Variants in MCTP2 observed in about 807,000 individuals in gnomAD.
The protein encoded by MCTP2 is multiple C2 and transmembrane domain-containing protein 2.
MCTP2 carries 132 observed loss-of-function variants against 111.6 expected under a neutral mutation model. The ratio of observed to expected loss-of-function variants is 1.18; its 90% CI spans 1.03 to 1.37. The LOEUF is 1.37. Ranked by LOEUF, MCTP2 falls within the 40% of genes most tolerant of loss-of-function variation. The pLI is 0.00. For missense variants in MCTP2, 1,183 were observed against 1,067.9 expected (o/e 1.11, Z -1.50); for synonymous variants, 395 against 387.7 (o/e 1.02, Z -0.22).
At chr15:94,464,295 ATTAT>A (rs1393497392) in intron 20 of MCTP2, among the ~76,000 whole-genome samples, 15 of 83,732 alleles carry the variant, frequency 1.8e-4, no homozygotes, top group African/African-American at 7.9e-4. Flanking sequence ...CAGCCATTCT[ATTAT>A]TTCTCATCTC....
intron 1 of MCTP2, among the ~76,000 whole-genome samples, chr15:94,271,522 T>C (rs2073905000): frequency 6.6e-6 from 1 of 152,160 alleles, no homozygotes; most frequent in African/African-American, 2.4e-5. Context: ...GCTCTTTGGA[T>C]AGACAATAGG....
At chr15:94,245,212 A>G (rs185503770) in intron 1 of MCTP2, among the ~76,000 whole-genome samples, 37 of 141,180 alleles carry the variant, frequency 2.6e-4, no homozygotes, top group African/African-American at 7.3e-4. Flanking sequence ...ATATTTATAC[A>G]TATGTGTATA....
chr15:94,288,196 A>G (rs2074853028), intron 1 of MCTP2, among the ~76,000 whole-genome samples: 1 of 152,218 alleles, frequency 6.6e-6, no homozygotes, highest in Non-Finnish European at 1.5e-5. Flanking sequence ...CAACCCTGGT[A>G]TGATCATAGA....
chr15:94,331,829 G>C (rs1352773074), intron 4 of MCTP2, among the ~76,000 whole-genome samples: 1 of 152,208 alleles, frequency 6.6e-6, no homozygotes, highest in African/African-American at 2.4e-5. Context: ...TTGTATTTGG[G>C]AGAGAAGTTC....
intron 1 of MCTP2, among the ~76,000 whole-genome samples, chr15:94,244,553 C>A (rs145810949): frequency 2.1e-5 from 3 of 141,724 alleles, no homozygotes; most frequent in South Asian, 4.3e-4. Flanking sequence ...TACATATGCA[C>A]CTATGTTTAT....
At chr15:94,284,952 T>TACAAA (rs2074681045) in intron 1 of MCTP2, among the ~76,000 whole-genome samples, 1 of 152,232 alleles carries the variant, frequency 6.6e-6, no homozygotes, top group South Asian at 2.1e-4. Flanking sequence ...TTTGTATTTT[T>TACAAA]GTTGAAATTT....
intron 1 of MCTP2, among the ~76,000 whole-genome samples, chr15:94,281,684 A>T (rs780916512): frequency 5.9e-5 from 9 of 151,938 alleles, no homozygotes; most frequent in Non-Finnish European, 1.3e-4. Context: ...TATTTTTTTG[A>T]TGGCCAGTAA....
intron 19 of MCTP2, among the ~76,000 whole-genome samples, chr15:94,445,762 A>G (rs2084081294): frequency 6.6e-6 from 1 of 152,210 alleles, no homozygotes. Flanking sequence ...ACTGTAACAC[A>G]CTCAGTGAGA....
intron 17 of MCTP2, among the ~76,000 whole-genome samples, chr15:94,416,542 C>A (rs2082387946): frequency 6.6e-6 from 1 of 152,118 alleles, no homozygotes; most frequent in South Asian, 2.1e-4. Context: ...TGGTAGATTA[C>A]ACTGAATGTT....
chr15:94,390,132 A>ATGTATATATATATATATATATG (rs1358369611), intron 14 of MCTP2, among the ~76,000 whole-genome samples: 50 of 90,448 alleles, frequency 5.5e-4, no homozygotes, highest in African/African-American at 1.8e-3. Context: ...ATATATATAT[A>ATGTATATATATATATATATATG]CTTAGATGTT....
At chr15:94,330,786 G>A (rs2077097671) in intron 4 of MCTP2, among the ~76,000 whole-genome samples, 1 of 152,124 alleles carries the variant, frequency 6.6e-6, no homozygotes, top group Admixed American at 6.6e-5. Context: ...CCAGGCTGGA[G>A]TGCAGTGGTA....
Position 94,385,487 on chromosome 15 carries a change from C to A in MCTP2, c.1750C>A (p.Pro584Thr), listed in dbSNP as rs1484494406. ...GTTTGATGAAGATGGAGATAAACCC[C>A]CAGATTTTCTTGGAAAAGTTGCCAT... The part of the protein sequence containing the change: ...TVFDEDGDKP[P>T]DFLGKVAIPL... Residue 584 changes from proline (P) to threonine (T), a missense_variant, in exon 14 of 23, where the codon CCA (proline) becomes ACA (threonine). Pro to Thr is a conservative substitution (Grantham distance 38). Coordinates refer to ENST00000357742, the MANE Select transcript of MCTP2 (RefSeq NM_001385001.1). The A allele has an allele frequency of 3.7e-6, 6 of 1,613,368 alleles. No individual in the cohort carries two copies. In the Admixed American group the frequency reaches 5.0e-5, roughly 13 times the overall value.
intron 1 of MCTP2, among the ~76,000 whole-genome samples, chr15:94,259,825 T>C (rs1596205837): frequency 6.6e-6 from 1 of 152,226 alleles, no homozygotes; most frequent in African/African-American, 2.4e-5. Flanking sequence ...CCCAGGTCTC[T>C]ACTGTAGGGA....
intron 1 of MCTP2, among the ~76,000 whole-genome samples, chr15:94,233,440 T>A (rs2070329747): frequency 6.6e-6 from 1 of 152,162 alleles, no homozygotes; most frequent in Admixed American, 6.5e-5. Flanking sequence ...AATTTCCTAT[T>A]ATTGGTGTGC....
chr15:94,458,337 G>A, intron 20 of MCTP2, 91 bp downstream of exon 20: 1 of 786,126 alleles, frequency 1.3e-6, no homozygotes, highest in South Asian at 1.5e-5. Flanking sequence ...ACAAAGGGAG[G>A]CAAGAAAATA....
intron 20 of MCTP2, among the ~76,000 whole-genome samples, chr15:94,466,961 T>G (rs1045620154): frequency 1.3e-5 from 2 of 152,200 alleles, no homozygotes; most frequent in East Asian, 1.9e-4. Flanking sequence ...CTACCAGATA[T>G]CAATAACTTT....
chr15:94,389,907 A>G (rs1322906923), intron 14 of MCTP2, among the ~76,000 whole-genome samples: 1 of 151,786 alleles, frequency 6.6e-6, no homozygotes, highest in South Asian at 2.1e-4. Context: ...CAAAATGGTA[A>G]TGTGCTAAGT....
intron 17 of MCTP2, among the ~76,000 whole-genome samples, chr15:94,427,880 ATCT>A (rs914067950): frequency 7.9e-5 from 12 of 152,114 alleles, no homozygotes; most frequent in African/African-American, 2.4e-4. Context: ...ATTGAGAAAA[ATCT>A]TCTCCTTCAT....
At chr15:94,466,784 A>C (rs2152536264) in intron 20 of MCTP2, among the ~76,000 whole-genome samples, 1 of 152,084 alleles carries the variant, frequency 6.6e-6, no homozygotes, top group Admixed American at 6.5e-5. Context: ...ACAGTGTATT[A>C]TATTTTTATT....
Sources: gnomAD v4.1 joint callset for allele counts (sites outside exome capture counted in the v4.1 genomes callset) on GRCh38, gnomAD v4.1.1 for gene constraint, MANE v1.5 for transcripts, NCBI Gene and HGNC (gene_info 2026-07-23, HGNC 2026-07-21) for gene names.